The following WDR37 variants were observed in gnomAD, a reference collection of about 807,000 sequenced individuals.
WDR37 encodes the protein WD repeat-containing protein 37.
Under a neutral mutation model 62.9 loss-of-function variants are expected in WDR37, and 19 were observed. That is an observed-to-expected ratio of 0.30 (90% confidence interval 0.21 to 0.44). The LOEUF (loss-of-function observed/expected upper bound fraction) is 0.44, where lower values mean the gene tolerates loss of function less well. Ranked by LOEUF, WDR37 falls within the 20% of genes least tolerant of loss-of-function variation. The pLI is 1.00. For missense variants in WDR37, 474 were observed against 657.6 expected (o/e 0.72, Z 3.05); for synonymous variants, 250 against 260.9 (o/e 0.96, Z 0.40).
At position 1,077,895 on chromosome 10, in the gene WDR37, C is replaced by G. The variant is rs45550739; in HGVS notation, c.139-12C>G. On this transcript the variant is annotated splice_polypyrimidine_tract_variant and intron_variant, in intron 2 of 13. Coordinates refer to ENST00000263150, the MANE Select transcript of WDR37 (RefSeq NM_014023.4). ...TTCATTCATTCATTTTAAACAAAGT[C>G]TTCTTCTGCAGGATTCTAAACTGCC... 1,269 of 1,598,708 alleles carry G rather than the reference C, an allele frequency of 7.9e-4. 1 individual carries two copies. Among genetic ancestry groups the G allele is most frequent in the Non-Finnish European group, 1.0e-3 (1,181 of 1,172,358 alleles).
intron 1 of WDR37, among the ~76,000 whole-genome samples, chr10:1,069,389 A>ATATATATATATATATATTT: frequency 4.2e-4 from 40 of 95,758 alleles, no homozygotes; most frequent in African/African-American, 1.8e-3. Flanking sequence ...ATATATATAT[A>ATATATATATATATATATTT]TTTTTTTTTT....
chr10:1,088,949 A>T (rs2131636584), intron 7 of WDR37, among the ~76,000 whole-genome samples: 1 of 152,252 alleles, frequency 6.6e-6, no homozygotes, highest in Non-Finnish European at 1.5e-5. Context: ...TCTAGAGGGG[A>T]TTTAATTTTC....
chr10:1,078,052 G>C (rs754886550), intron 3 of WDR37, 49 bp downstream of exon 3: 19 of 1,417,030 alleles, frequency 1.3e-5, no homozygotes, highest in South Asian at 4.9e-5. Flanking sequence ...CCTATCCATA[G>C]TCAAATTTAT....
chr10:1,091,390 G>GT (rs1834383560), intron 7 of WDR37, among the ~76,000 whole-genome samples: 1 of 152,188 alleles, frequency 6.6e-6, no homozygotes, highest in Non-Finnish European at 1.5e-5. Context: ...AGTGTACACG[G>GT]TTTCCACCAG....
chr10:1,112,463 A>G lies in WDR37; in HGVS notation c.1103+7196A>G, dbSNP rs61831022. On this transcript the variant is annotated intron_variant, in intron 11 of 13. Transcript: ENST00000263150. ...TGAAATTAGGCCAATTAACATCCCT[A>G]TAGCAGCCTCTCAGTGTTGAAATGA... 8.3e-3 allele frequency among the ~76,000 whole-genome samples: 1,265 copies of G among 152,330 alleles called. 14 individuals carry two copies. Among genetic ancestry groups the G allele is most frequent in the Middle Eastern group, 0.017 (5 of 294 alleles).
rs61831002 is a variant in WDR37 at position 1,075,149 on chromosome 10, C to T, written c.139-2758C>T. On this transcript the variant is annotated intron_variant, in intron 2 of 13. Transcript: ENST00000263150. Reference sequence around the variant, plus strand: ...AAAAGGTTGAAAGTCATTTTGTAAGCGCGCTCTTCCTGGGCTCAAGTTGCC... The same window carrying T: ...AAAAGGTTGAAAGTCATTTTGTAAGTGCGCTCTTCCTGGGCTCAAGTTGCC... 2.2e-3 allele frequency among the ~76,000 whole-genome samples: 331 copies of T among 152,216 alleles called. 5 individuals carry two copies. Among genetic ancestry groups the T allele is most frequent in the South Asian group, 6.0e-3 (29 of 4,824 alleles).
At chr10:1,081,648 AT>A (rs368996690) in intron 5 of WDR37, among the ~76,000 whole-genome samples, 15 of 149,268 alleles carry the variant, frequency 1.0e-4, no homozygotes, top group South Asian at 2.1e-4. Flanking sequence ...AATTTATTTG[AT>A]TTTTTTTTTG....
rs1835938177 is a variant in WDR37, at chr10:1,131,050, G to C, written c.*1706G>C. ...GTGTTTTTGTCCGACATTATTTCCTGACTGCACTGTTCTGAGAATGGAGTC... is the reference window on the plus strand; with the variant it reads ...GTGTTTTTGTCCGACATTATTTCCTCACTGCACTGTTCTGAGAATGGAGTC... On this transcript the variant is annotated 3_prime_UTR_variant, in exon 14 of 14. Transcript: ENST00000263150. 2 of 152,234 alleles carry C rather than the reference G, an allele frequency of 1.3e-5. No individual in the cohort carries two copies. Among genetic ancestry groups the C allele is most frequent in the African/African-American group, 4.8e-5 (2 of 41,446 alleles). The allele number at this position is 152,234 out of a possible 1,614,324, so 9.4% of individuals were successfully genotyped here.
In WDR37 at chr10:1,129,762, TGCCTGTGTTGGCTGGCGACCA is replaced by T. The variant is rs1835916339; in HGVS notation, c.*421_*441del. 1 of 156,956 alleles carries T rather than the reference TGCCTGTGTTGGCTGGCGACCA, an allele frequency of 6.4e-6. No homozygotes were observed. The highest frequency in any genetic ancestry group is 2.4e-5 in the African/African-American group (1 of 41,584). The allele number at this position is 156,956 out of a possible 1,614,324, so 9.7% of individuals were successfully genotyped here. A position where few individuals can be genotyped will look rare whatever the true frequency, so the allele number is the denominator to read the frequency against. ...GCCTTTGCTGGGAAGACTGTGGGGC[TGCCTGTGTTGGCTGGCGACCA>T]GCAGGATTGCTCCAGGATTTTGTGT... On this transcript the variant is annotated 3_prime_UTR_variant, in exon 14 of 14. Transcript: ENST00000263150.
At chr10:1,115,022 C>T (rs1441454549) in intron 11 of WDR37, among the ~76,000 whole-genome samples, 1 of 149,362 alleles carries the variant, frequency 6.7e-6, no homozygotes, top group Non-Finnish European at 1.5e-5. Flanking sequence ...TCCCCATCTC[C>T]CTTTTTTGTT....
At chr10:1,091,102 G>A (rs1219874388) in intron 7 of WDR37, among the ~76,000 whole-genome samples, 2 of 152,306 alleles carry the variant, frequency 1.3e-5, no homozygotes, top group African/African-American at 4.8e-5. Context: ...TTGAGTGGGT[G>A]AGCAGTGCTG....
chr10:1,060,912 G>T (rs1362717914), intron 1 of WDR37, among the ~76,000 whole-genome samples: 1 of 152,202 alleles, frequency 6.6e-6, no homozygotes, highest in Non-Finnish European at 1.5e-5. Flanking sequence ...TTGTAGGCTA[G>T]GAGCAGCAGG....
intron 1 of WDR37, among the ~76,000 whole-genome samples, chr10:1,059,808 A>G (rs1014977698): frequency 1.3e-5 from 2 of 152,136 alleles, no homozygotes; most frequent in African/African-American, 2.4e-5. Flanking sequence ...AAAAATATAT[A>G]TATAAAAGAA....
rs144775512 is a variant in WDR37, at chr10:1,099,757, T to C, written c.726+3511T>C. 1.3e-4 allele frequency among the ~76,000 whole-genome samples: 18 copies of C among 138,212 alleles called. No homozygotes were observed. The East Asian group carries it at 3.5e-3, about 27-fold the overall frequency. The allele number at this position is 138,212 out of a possible 152,430, so 90.7% of individuals were successfully genotyped here. A position where few individuals can be genotyped will look rare whatever the true frequency, so the allele number is the denominator to read the frequency against. ...GGAAATTCAGCGTGTGCACTGATGG[T>C]GTGGCGGAGACGTGAGGAGGGTGAG... is the stretch of plus-strand genomic sequence containing the variant. On this transcript the variant is annotated intron_variant, in intron 9 of 13. Coordinates refer to ENST00000263150, the MANE Select transcript of WDR37 (RefSeq NM_014023.4).
intron 8 of WDR37, among the ~76,000 whole-genome samples, chr10:1,094,397 A>G (rs1342529262): frequency 2.0e-5 from 3 of 152,218 alleles, no homozygotes; most frequent in Admixed American, 6.5e-5. Flanking sequence ...TTGTTTAAGA[A>G]GGAGCCCCAG....
chr10:1,074,664 T>G (rs1317354159), intron 2 of WDR37, among the ~76,000 whole-genome samples: 1 of 152,166 alleles, frequency 6.6e-6, no homozygotes, highest in Non-Finnish European at 1.5e-5. Flanking sequence ...AGGGGGGCGA[T>G]CTCAGAACAG....
intron 13 of WDR37, among the ~76,000 whole-genome samples, chr10:1,125,293 CCT>C (rs1835704683): frequency 6.6e-6 from 1 of 151,854 alleles, no homozygotes; most frequent in South Asian, 2.1e-4. Flanking sequence ...CTCACGGCAA[CCT>C]CTGTCTCCCA....
At position 1,096,214 on chromosome 10, in the gene WDR37, C is replaced by G. The variant is rs761447360; in HGVS notation, c.694C>G (p.Leu232Val). 5 of 1,614,178 alleles carry G rather than the reference C, an allele frequency of 3.1e-6. No homozygotes were observed. The highest frequency in any genetic ancestry group is 4.2e-6 in the Non-Finnish European group (5 of 1,180,036). Reference protein sequence around the residue: ...TAHIWRYAVQLPTPQPVADTS... With the variant: ...TAHIWRYAVQVPTPQPVADTS... ...TCATATCTGGAGATACGCGGTGCAG[C>G]TGCCGACACCCCAGCCTGTTGCTGA... The change falls in exon 9 of 14, where the codon CTG (leucine) becomes GTG (valine). Residue 232 changes from leucine to valine, a missense_variant. By Grantham distance (32) the Leu-to-Val change is conservative. Coordinates refer to ENST00000263150, the MANE Select transcript of WDR37 (RefSeq NM_014023.4).
Position 1,124,217 on chromosome 10 carries a change from G to T in WDR37, c.1104-1G>T. ...TCTGACTCTGTGCCCTTTGTTCATAGCACTGTGACTTCTGCCGTGTTCACC... is the reference window on the plus strand; with the variant it reads ...TCTGACTCTGTGCCCTTTGTTCATATCACTGTGACTTCTGCCGTGTTCACC... On this transcript the variant is annotated splice_acceptor_variant, in intron 11 of 13. Coordinates refer to ENST00000263150, the MANE Select transcript of WDR37 (RefSeq NM_014023.4). LOFTEE classifies it high-confidence loss of function. 6.2e-7 allele frequency: 1 copy of T among 1,614,184 alleles called. No homozygotes were observed. Among genetic ancestry groups the T allele is most frequent in the Non-Finnish European group, 8.5e-7 (1 of 1,180,038 alleles).
Sources: allele counts gnomAD v4.1 joint callset (sites outside exome capture counted in the v4.1 genomes callset), GRCh38; gene constraint gnomAD v4.1.1; transcripts MANE v1.5; gene names NCBI Gene and HGNC (gene_info 2026-07-23, HGNC 2026-07-21).